Variants in COMMD10 observed in about 807,000 individuals in gnomAD.
COMMD10 encodes the protein COMM domain-containing protein 10.
In COMMD10, 33 loss-of-function variants were observed where a neutral mutation model predicts 28.9. That is an observed-to-expected ratio of 1.14 (90% CI 0.87 to 1.53). The LOEUF (loss-of-function observed/expected upper bound fraction) is 1.53, where lower values mean the gene tolerates loss of function less well. Among genes scored for constraint, COMMD10 ranks in the 40% most tolerant of loss-of-function variants. The probability of loss-of-function intolerance (pLI) is 0.00; values close to 1 mark genes in which losing one functional copy is unlikely to be tolerated. For missense variants in COMMD10, 310 were observed against 233.4 expected (o/e 1.33, Z -2.14); for synonymous variants, 110 against 81.7 (o/e 1.35, Z -1.87).
At chr5:116,236,161 ATAAG>A (rs1012271293) in intron 5 of COMMD10, among the ~76,000 whole-genome samples, 2 of 152,158 alleles carry the variant, frequency 1.3e-5, no homozygotes, top group African/African-American at 2.4e-5. Flanking sequence ...CTTCCAGAGG[ATAAG>A]TAAACTTGGT....
intron 5 of COMMD10, among the ~76,000 whole-genome samples, chr5:116,177,888 T>G (rs1008521602): frequency 6.6e-6 from 1 of 152,154 alleles, no homozygotes; most frequent in Admixed American, 6.6e-5. Context: ...TTTTGGAATT[T>G]ACACAGCACA....
chr5:116,272,115 T>G (rs892719965), intron 5 of COMMD10, among the ~76,000 whole-genome samples: 20 of 151,816 alleles, frequency 1.3e-4, no homozygotes, highest in Admixed American at 3.9e-4. Context: ...TAGGCTCCAT[T>G]AAGGTCGAGA....
chr5:116,185,837 ATCT>A (rs1471815995), intron 5 of COMMD10, among the ~76,000 whole-genome samples: 1 of 152,082 alleles, frequency 6.6e-6, no homozygotes, highest in Non-Finnish European at 1.5e-5. Context: ...TATTTTCATT[ATCT>A]TCTTATCTTA....
rs572679820 is a variant in COMMD10 at position 116,210,348 on chromosome 5, G to A, written c.510+76170G>A. The stretch of plus-strand genomic sequence containing the variant: ...TATATATATATACATATATATACAC[G>A]CAAGCACACATATACAGGCATACTT... On this transcript the variant is annotated intron_variant, in intron 5 of 6. Coordinates refer to ENST00000274458, the MANE Select transcript of COMMD10 (RefSeq NM_016144.4). 2.8e-4 allele frequency among the ~76,000 whole-genome samples: 43 copies of A among 151,208 alleles called. No individual in the cohort carries two copies. In the Middle Eastern group the frequency reaches 0.028, roughly 98 times the overall value.
At chr5:116,256,750 G>A (rs1750298672) in intron 5 of COMMD10, among the ~76,000 whole-genome samples, 1 of 151,662 alleles carries the variant, frequency 6.6e-6, no homozygotes, top group African/African-American at 2.4e-5. Flanking sequence ...TAGGTTGAAG[G>A]TAATTTAATG....
intron 5 of COMMD10, among the ~76,000 whole-genome samples, chr5:116,286,329 T>A (rs1751216609): frequency 1.0e-5 from 1 of 97,316 alleles, no homozygotes; most frequent in South Asian, 3.0e-4. Flanking sequence ...CTATGAATTT[T>A]TATATTGTTT....
At chr5:116,173,438 G>A (rs953465931) in intron 5 of COMMD10, among the ~76,000 whole-genome samples, 1 of 152,032 alleles carries the variant, frequency 6.6e-6, no homozygotes, top group Non-Finnish European at 1.5e-5. Context: ...TACTTTCTAT[G>A]TTATTTTGGT....
intron 3 of COMMD10, among the ~76,000 whole-genome samples, chr5:116,092,128 A>C (rs762936990): frequency 1.1e-4 from 16 of 152,212 alleles, no homozygotes; most frequent in Admixed American, 6.5e-5. Context: ...GGAAATTGGT[A>C]GATAAGGTAA....
intron 5 of COMMD10, among the ~76,000 whole-genome samples, chr5:116,207,643 A>G (rs1225576434): frequency 2.6e-5 from 4 of 152,062 alleles, no homozygotes; most frequent in African/African-American, 7.3e-5. Context: ...CTTATGCCTC[A>G]GCCTCCCAAG....
intron 4 of COMMD10, among the ~76,000 whole-genome samples, chr5:116,094,899 A>G (rs946578870): frequency 6.6e-6 from 1 of 152,198 alleles, no homozygotes; most frequent in African/African-American, 2.4e-5. Flanking sequence ...TCTTTATGTT[A>G]CGTGAAATAA....
intron 5 of COMMD10, among the ~76,000 whole-genome samples, chr5:116,217,343 G>A (rs548597002): frequency 1.4e-4 from 21 of 152,230 alleles, no homozygotes; most frequent in South Asian, 2.1e-4. Context: ...ATGGACTACC[G>A]AAAATCAGAA....
At chr5:116,282,892 C>T (rs1490042522) in intron 5 of COMMD10, among the ~76,000 whole-genome samples, 2 of 151,856 alleles carry the variant, frequency 1.3e-5, no homozygotes, top group African/African-American at 4.9e-5. Flanking sequence ...ATTTTGAGAA[C>T]ACAGAATTCA....
intron 5 of COMMD10, among the ~76,000 whole-genome samples, chr5:116,157,063 A>G (rs184454619): frequency 1.3e-5 from 2 of 152,216 alleles, no homozygotes; most frequent in Admixed American, 6.5e-5. Flanking sequence ...TTTATAGGGA[A>G]CACAATTTTG....
chr5:116,183,888 A>G (rs75036073), intron 5 of COMMD10, among the ~76,000 whole-genome samples: 27 of 152,188 alleles, frequency 1.8e-4, no homozygotes, highest in Admixed American at 1.5e-3. Flanking sequence ...ATGAGGTAGG[A>G]TGTTTTTGAG....
At chr5:116,149,707 GT>G (rs1224972006) in intron 5 of COMMD10, among the ~76,000 whole-genome samples, 5 of 148,668 alleles carry the variant, frequency 3.4e-5, no homozygotes, top group African/African-American at 1.2e-4. Flanking sequence ...GGGGTTGTTT[GT>G]TTTTTTCTTG....
intron 5 of COMMD10, among the ~76,000 whole-genome samples, chr5:116,203,977 T>C (rs1431430904): frequency 6.6e-6 from 1 of 152,136 alleles, no homozygotes; most frequent in Non-Finnish European, 1.5e-5. Flanking sequence ...CCCATCAGTG[T>C]GCTGTATTCA....
intron 5 of COMMD10, among the ~76,000 whole-genome samples, chr5:116,171,250 G>T (rs1001660458): frequency 6.6e-6 from 1 of 152,210 alleles, no homozygotes; most frequent in Admixed American, 6.5e-5. Context: ...GTGGTCATTA[G>T]AGAAATGCAA....
intron 4 of COMMD10, among the ~76,000 whole-genome samples, chr5:116,118,219 C>T (rs1751306129): frequency 6.6e-6 from 1 of 152,180 alleles, no homozygotes; most frequent in Non-Finnish European, 1.5e-5. Context: ...GTGCCACCTC[C>T]TCTGTGGCAT....
intron 5 of COMMD10, among the ~76,000 whole-genome samples, chr5:116,191,983 G>A (rs1417047256): frequency 6.6e-6 from 1 of 151,602 alleles, no homozygotes; most frequent in African/African-American, 2.4e-5. Context: ...CACATCACAG[G>A]ATGTGATATT....
Sources: allele counts gnomAD v4.1 joint callset (sites outside exome capture counted in the v4.1 genomes callset), GRCh38; gene constraint gnomAD v4.1.1; transcripts MANE v1.5; gene names NCBI Gene and HGNC (gene_info 2026-07-23, HGNC 2026-07-21).